Variants in PANK4 observed in about 807,000 individuals in gnomAD.
PANK4 encodes pantothenate kinase 4 (inactive).
In PANK4, 40 loss-of-function variants were observed where a neutral mutation model predicts 87.9. That is an observed-to-expected ratio of 0.46 (90% CI 0.35 to 0.59). The LOEUF (loss-of-function observed/expected upper bound fraction) is 0.59, where lower values mean the gene tolerates loss of function less well. Ranked by LOEUF, PANK4 falls within the 20% of genes least tolerant of loss-of-function variation. The probability of loss-of-function intolerance (pLI) is 0.00; values close to 1 mark genes in which losing one functional copy is unlikely to be tolerated. For synonymous variants in PANK4, 524 were observed against 467.4 expected, an observed-to-expected ratio of 1.12 and a Z score of -1.56; for missense variants, 926 against 1,072.3, an observed-to-expected ratio of 0.86 and a Z score of 1.90.
intron 13 of PANK4, chr1:2,512,557 A>G (rs1244468681): frequency 1.7e-5 from 6 of 348,752 alleles, no homozygotes; most frequent in African/African-American, 1.3e-4. Context: ...GAAATGTTTA[A>G]TTCCTACCAC....
rs1343696976 is a variant in PANK4, at chr1:2,520,208, G to A, written c.699+114C>T. On this transcript the variant is annotated intron_variant, in intron 5 of 18. Transcript: ENST00000378466. The surrounding 1 kb of genome is among the most constrained non-coding windows in gnomAD (Gnocchi z 6.2). ...GCAGAGGCCAGAGACCCACTGACGC[G>A]AGTCAGGAGGGAGGCCCGGAAGCAG... 2.3e-5 allele frequency: 23 copies of A among 992,932 alleles called. No individual in the cohort carries two copies. Among genetic ancestry groups the A allele is most frequent in the South Asian group, 5.6e-5 (4 of 71,148 alleles). The allele number at this position is 992,932 out of a possible 1,614,324, so 61.5% of individuals were successfully genotyped here.
rs755120161 is a variant in PANK4, at chr1:2,521,148, G to A, written c.375C>T (p.Gly125=). Residue 125 remains glycine (G), a synonymous_variant, in exon 3 of 19, where the codon GGC becomes GGT. Coordinates refer to ENST00000378466, the MANE Select transcript of PANK4 (RefSeq NM_018216.4). ...TETKVIQATG[G]GAYKFKDLIE... is the part of the protein sequence containing the mutation. The stretch of plus-strand genomic sequence containing the variant: ...TGAGGTCTTTGAACTTGTAGGCCCC[G>A]CCCCCGGTCGCCTGGATGACCTTGG... 4 of 1,613,766 alleles carry A rather than the reference G, an allele frequency of 2.5e-6. No individual in the cohort carries two copies. Among genetic ancestry groups the A allele is most frequent in the South Asian group, 2.2e-5 (2 of 91,078 alleles).
chr1:2,516,830 C>G (rs758388115), intron 9 of PANK4, among the ~76,000 whole-genome samples: 2 of 152,264 alleles, frequency 1.3e-5, no homozygotes, highest in Non-Finnish European at 2.9e-5. Flanking sequence ...TCGCAGGCTC[C>G]TTCTATCCTG....
chr1:2,522,438 C>A (rs1161491257), intron 1 of PANK4, among the ~76,000 whole-genome samples: 1 of 152,140 alleles, frequency 6.6e-6, no homozygotes, highest in Non-Finnish European at 1.5e-5. Flanking sequence ...CTCGAGAAGC[C>A]CTGTGGCTTC....
chr1:2,520,046 C>A lies in PANK4; in HGVS notation c.700-92G>T, dbSNP rs973572715. 2 of 1,271,022 alleles carry A rather than the reference C, an allele frequency of 1.6e-6. No individual in the cohort carries two copies. The highest frequency in any genetic ancestry group is 3.0e-5 in the South Asian group (2 of 67,602). 78.7% of individuals were successfully genotyped at this position (1,271,022 alleles called of 1,614,324 possible). The stretch of plus-strand genomic sequence containing the variant: ...CCAAGCCCATGGCAGGAGGCACGCG[C>A]GGGCAGGGGGTAAATGGGCCCTCAT... On this transcript the variant is annotated intron_variant, in intron 5 of 18. Coordinates refer to ENST00000378466, the MANE Select transcript of PANK4 (RefSeq NM_018216.4). The surrounding 1 kb of genome is among the most constrained non-coding windows in gnomAD (Gnocchi z 6.2).
At chr1:2,526,052 T>C (rs1215462616) in intron 1 of PANK4, 1 of 152,182 alleles carries the variant, frequency 6.6e-6, no homozygotes, top group African/African-American at 2.4e-5. Flanking sequence ...GGACCCCAAA[T>C]CTCAGGCCAG....
At position 2,520,879 on chromosome 1, in the gene PANK4, G is replaced by A. The variant is rs1418842329; in HGVS notation, c.450C>T (p.Cys150=). The A allele has an allele frequency of 9.0e-6, 14 of 1,563,862 alleles. No homozygotes were observed. Among genetic ancestry groups the A allele is most frequent in the Non-Finnish European group, 1.2e-5 (14 of 1,155,570 alleles). Residue 150 remains cysteine, a synonymous_variant, in exon 4 of 19, where the codon TGC becomes TGT. Transcript: ENST00000378466. This position sits in a 1 kb window ranked among gnomAD's most constrained non-coding sequence, Gnocchi z 6.2. ...LKVDKEDVMT[C]LIKGCNFVLK... is the part of the protein sequence containing the mutation. The stretch of plus-strand genomic sequence containing the variant: ...GCACGAAGTTGCACCCCTTAATCAG[G>A]CACGTCATCACGTCCTCCTTGTCGA...
In PANK4 at chr1:2,519,177, C is replaced by T. The variant is rs552730475; in HGVS notation, c.1001G>A (p.Arg334His). The change falls in exon 7 of 19, where the codon CGC becomes CAC. Residue 334 changes from arginine (R) to histidine (H), a missense_variant. Coordinates refer to ENST00000378466, the MANE Select transcript of PANK4 (RefSeq NM_018216.4). The surrounding 1 kb of genome is among the most constrained non-coding windows in gnomAD (Gnocchi z 8.3). The part of the protein sequence containing the change: ...FFIRGHPVTM[R>H]TITYSINFFS... ...GAAGTTGATGCTATAGGTGATGGTG[C>T]GCATGGTCACGGGGTGGCCCCGGAT... is the stretch of plus-strand genomic sequence containing the variant. 7.4e-6 allele frequency: 12 copies of T among 1,612,586 alleles called. No homozygotes were observed. The highest frequency in any genetic ancestry group is 4.4e-5 in the South Asian group (4 of 91,054).
In PANK4 at chr1:2,519,370, G is replaced by A. The variant is rs777052153; in HGVS notation, c.854-46C>T. 1 of 1,322,558 alleles carries A rather than the reference G, an allele frequency of 7.6e-7. No individual in the cohort carries two copies. The highest frequency in any genetic ancestry group is 3.3e-5 in the East Asian group (1 of 30,576). The allele number at this position is 1,322,558 out of a possible 1,614,324, so 81.9% of individuals were successfully genotyped here. Reference sequence around the variant, plus strand: ...GCACTCATCTCCAAGTACAGCAAGTGCACGACATGAGAGCGAGCAGGAGGG... The same window carrying A: ...GCACTCATCTCCAAGTACAGCAAGTACACGACATGAGAGCGAGCAGGAGGG... On this transcript the variant is annotated intron_variant, in intron 6 of 18. Coordinates refer to ENST00000378466, the MANE Select transcript of PANK4 (RefSeq NM_018216.4). This position sits in a 1 kb window ranked among gnomAD's most constrained non-coding sequence, Gnocchi z 8.3.
At position 2,520,206 on chromosome 1, in the gene PANK4, G is replaced by GC; in HGVS notation, c.699+115dup. 1.0e-6 allele frequency: 1 copy of GC among 974,018 alleles called. No homozygotes were observed. Among genetic ancestry groups the GC allele is most frequent in the Non-Finnish European group, 1.6e-6 (1 of 623,316 alleles). 60.3% of individuals were successfully genotyped at this position (974,018 alleles called of 1,614,324 possible). A position where few individuals can be genotyped will look rare whatever the true frequency, so the allele number is the denominator to read the frequency against. ...CCGCAGAGGCCAGAGACCCACTGAC[G>GC]CGAGTCAGGAGGGAGGCCCGGAAGC... On this transcript the variant is annotated intron_variant, in intron 5 of 18. Transcript: ENST00000378466. The surrounding 1 kb of genome is among the most constrained non-coding windows in gnomAD (Gnocchi z 6.2).
At position 2,515,122 on chromosome 1, in the gene PANK4, C is replaced by A. The variant is rs1261604060; in HGVS notation, c.1374+440G>T. 8 of 362,808 alleles carry A rather than the reference C, an allele frequency of 2.2e-5. No homozygotes were observed. The highest frequency in any genetic ancestry group is 1.5e-4 in the East Asian group (2 of 13,722). 22.5% of individuals were successfully genotyped at this position (362,808 alleles called of 1,614,324 possible). On this transcript the variant is annotated intron_variant, in intron 10 of 18. Coordinates refer to ENST00000378466, the MANE Select transcript of PANK4 (RefSeq NM_018216.4). This position sits in a 1 kb window ranked among gnomAD's most constrained non-coding sequence, Gnocchi z 5.0. ...CGTGGCCCAGGGCCTGGCATTTGCT[C>A]CACGGGACCAGCCCAGCCTTGGAGA...
intron 1 of PANK4, among the ~76,000 whole-genome samples, chr1:2,523,850 G>C (rs1461176660): frequency 1.3e-5 from 2 of 152,250 alleles, no homozygotes; most frequent in Non-Finnish European, 2.9e-5. Context: ...AGTGACAGGA[G>C]TGCCTCCTGG....
chr1:2,521,457 G>A, intron 2 of PANK4, 142 bp from the exon 3 acceptor site: 2 of 782,302 alleles, frequency 2.6e-6, no homozygotes, highest in Non-Finnish European at 4.4e-6. Context: ...GGGCAAGAGG[G>A]AGGAGCCTAG....
rs376165521 is a variant in PANK4 at position 2,517,522 on chromosome 1, G to C, written c.1218+642C>G. ...GCACGGTCGAGGACCCTGACAGCCT[G>C]TGACACGGGGCGGTTCCTGCCATGT... On this transcript the variant is annotated intron_variant, in intron 9 of 18. Coordinates refer to ENST00000378466, the MANE Select transcript of PANK4 (RefSeq NM_018216.4). 3.2e-4 allele frequency among the ~76,000 whole-genome samples: 49 copies of C among 152,360 alleles called. 1 individual carries two copies. The South Asian group carries it at 9.7e-3, about 30-fold the overall frequency.
Position 2,515,857 on chromosome 1 carries a change from C to T in PANK4, c.1219-140G>A, listed in dbSNP as rs1557441420. ...CACGTCTCTGGGCCACAGACGAGACCCCCACTGGGCCCCCTCAGCTGCCCG... is the reference window on the plus strand; with the variant it reads ...CACGTCTCTGGGCCACAGACGAGACTCCCACTGGGCCCCCTCAGCTGCCCG... On this transcript the variant is annotated intron_variant, in intron 9 of 18. Transcript: ENST00000378466. This position sits in a 1 kb window ranked among gnomAD's most constrained non-coding sequence, Gnocchi z 5.0. 3.6e-6 allele frequency: 3 copies of T among 828,354 alleles called. No homozygotes were observed. The highest frequency in any genetic ancestry group is 2.6e-5 in the Admixed American group (1 of 38,102). The allele number at this position is 828,354 out of a possible 1,614,324, so 51.3% of individuals were successfully genotyped here. A position where few individuals can be genotyped will look rare whatever the true frequency, so the allele number is the denominator to read the frequency against.
At position 2,510,066 on chromosome 1, in the gene PANK4, G is replaced by C. The variant is rs751699001; in HGVS notation, c.2030C>G (p.Pro677Arg). The C allele has an allele frequency of 9.9e-6, 16 of 1,609,126 alleles. No homozygotes were observed. Among genetic ancestry groups the C allele is most frequent in the African/African-American group, 1.3e-5 (1 of 74,828 alleles). The change falls in exon 17 of 19, where the codon CCT (proline) becomes CGT (arginine). Residue 677 changes from proline (P) to arginine (R), a missense_variant. Transcript: ENST00000378466. The surrounding 1 kb of genome is among the most constrained non-coding windows in gnomAD (Gnocchi z 4.9). The stretch of plus-strand genomic sequence containing the variant: ...GCCCGCCAACACTCACTGCACGACA[G>C]GGTCCATGCCCGCAATACGCTCTGC... ...IVAERIAGMD[P>R]VVHSALQEER...
Position 2,510,027 on chromosome 1 carries a change from G to A in PANK4, c.2039+30C>T. 6.3e-7 allele frequency: 1 copy of A among 1,581,608 alleles called. No individual in the cohort carries two copies. The highest frequency in any genetic ancestry group is 8.6e-7 in the Non-Finnish European group (1 of 1,157,396). ...CCAGCTGGTGCCCCTCCCCATCAAGGCCCCCCCAGCACTGCCCGCCAACAC... is the reference window on the plus strand; with the variant it reads ...CCAGCTGGTGCCCCTCCCCATCAAGACCCCCCCAGCACTGCCCGCCAACAC... On this transcript the variant is annotated intron_variant, in intron 17 of 18. Transcript: ENST00000378466. This position sits in a 1 kb window ranked among gnomAD's most constrained non-coding sequence, Gnocchi z 4.9.
chr1:2,518,716 A>G, intron 7 of PANK4, 119 bp from the exon 8 acceptor site: 1 of 809,798 alleles, frequency 1.2e-6, no homozygotes, highest in Non-Finnish European at 2.1e-6. Flanking sequence ...AAGAGGCGCC[A>G]TGGCACCCAC....
In PANK4 at chr1:2,519,207, A is replaced by C; in HGVS notation, c.971T>G (p.Phe324Cys). Residue 324 changes from phenylalanine to cysteine, a missense_variant, in exon 7 of 19, where the codon TTC becomes TGC. Transcript: ENST00000378466. This position sits in a 1 kb window ranked among gnomAD's most constrained non-coding sequence, Gnocchi z 8.3. ...GGTCACGGGGTGGCCCCGGATAAAG[A>C]AGCCTCCAAAGTACACGCGGTCCAG... ...HSLDRVYFGG[F>C]FIRGHPVTMR... 1 of 1,612,790 alleles carries C rather than the reference A, an allele frequency of 6.2e-7. No individual in the cohort carries two copies. Among genetic ancestry groups the C allele is most frequent in the Non-Finnish European group, 8.5e-7 (1 of 1,179,936 alleles).
Sources: allele counts gnomAD v4.1 joint callset (sites outside exome capture counted in the v4.1 genomes callset), GRCh38; gene constraint gnomAD v4.1.1; non-coding constraint Gnocchi (gnomAD v3.1); transcripts MANE v1.5; gene names NCBI Gene and HGNC (gene_info 2026-07-23, HGNC 2026-07-21).